Variants in SHANK2 observed in about 807,000 individuals in gnomAD.
The protein encoded by SHANK2 is SH3 and multiple ankyrin repeat domains 2, also known as SH3 and multiple ankyrin repeat domains protein 2.
In SHANK2, 43 loss-of-function variants were observed where a neutral mutation model predicts 133.7. That is an observed-to-expected ratio of 0.32 (90% confidence interval 0.25 to 0.41). The LOEUF is 0.41. Among genes scored for constraint, SHANK2 ranks in the 10% least tolerant of loss-of-function variants. SHANK2 has a pLI of 1.00. For missense variants in SHANK2, 1,994 were observed against 2,235.8 expected (o/e 0.89, Z 2.18); for synonymous variants, 1,017 against 952.8 (o/e 1.07, Z -1.24).
At chr11:70,717,419 C>T (rs1054450934) in intron 14 of SHANK2, among the ~76,000 whole-genome samples, 18 of 152,294 alleles carry the variant, frequency 1.2e-4, no homozygotes, top group Middle Eastern at 3.4e-3. Context: ...TGTTTCCTCC[C>T]GAATGATCTG....
At chr11:70,914,028 T>G (rs1389375139) in intron 10 of SHANK2, among the ~76,000 whole-genome samples, 2 of 152,154 alleles carry the variant, frequency 1.3e-5, no homozygotes, top group African/African-American at 4.8e-5. Context: ...TTTAGCATAT[T>G]TACACTGGGG....
At chr11:71,057,301 C>G (rs1184535396) in intron 9 of SHANK2, among the ~76,000 whole-genome samples, 2 of 152,044 alleles carry the variant, frequency 1.3e-5, no homozygotes, top group Non-Finnish European at 2.9e-5. Flanking sequence ...ACCCACTGCC[C>G]TCCAGCCTGG....
intron 1 of SHANK2, among the ~76,000 whole-genome samples, chr11:71,227,781 G>A (rs1354590018): frequency 1.3e-5 from 2 of 152,030 alleles, no homozygotes; most frequent in East Asian, 3.9e-4. Context: ...AAGTGTTCAT[G>A]AAATTTATAG....
Position 70,698,698 on chromosome 11 carries a change from C to T in SHANK2, c.1843G>A (p.Asp615Asn), listed in dbSNP as rs570962055. ...AGCAGCGCGTCTTACCTGGAAGTGT[C>T]GAAGCTGTCATAGGAGCCCACGGTG... ...HYTVGSYDSFDTSSDCIIEEK... is the reference protein window; with the variant it reads ...HYTVGSYDSFNTSSDCIIEEK... Residue 615 changes from aspartate (D) to asparagine (N), a missense_variant, in exon 15 of 26, where the codon GAC (aspartate) becomes AAC (asparagine). Asp to Asn is a conservative substitution (Grantham distance 23). Around this residue, in one of 5 missense-constraint regions of SHANK2, gnomAD observed 653 missense variants for 563.4 expected, o/e 1.16. Coordinates refer to ENST00000601538, the MANE Select transcript of SHANK2 (RefSeq NM_012309.5). 42 of 718,636 alleles carry T rather than the reference C, an allele frequency of 5.8e-5. No individual in the cohort carries two copies. Among genetic ancestry groups the T allele is most frequent in the South Asian group, 4.1e-4 (28 of 67,600 alleles). The allele number at this position is 718,636 out of a possible 1,614,324, so 44.5% of individuals were successfully genotyped here. A position where few individuals can be genotyped will look rare whatever the true frequency, so the allele number is the denominator to read the frequency against.
At chr11:70,619,155 C>A (rs2060796433) in intron 17 of SHANK2, among the ~76,000 whole-genome samples, 1 of 152,224 alleles carries the variant, frequency 6.6e-6, no homozygotes, top group South Asian at 2.1e-4. Flanking sequence ...GCCTGACAAC[C>A]ACCCTTGGGT....
chr11:70,872,601 GC>G (rs1555070408), intron 11 of SHANK2, among the ~76,000 whole-genome samples: 4 of 151,836 alleles, frequency 2.6e-5, no homozygotes, highest in Non-Finnish European at 5.9e-5. Flanking sequence ...ATACAGAGGG[GC>G]CCCCCACAGA....
At chr11:70,542,486 G>A (rs995140379) in intron 17 of SHANK2, among the ~76,000 whole-genome samples, 5 of 152,158 alleles carry the variant, frequency 3.3e-5, no homozygotes, top group Non-Finnish European at 5.9e-5. Flanking sequence ...TCTGGCCTCC[G>A]AACTGTGAGA....
At chr11:70,490,860 C>T (rs2058877398) in intron 22 of SHANK2, among the ~76,000 whole-genome samples, 1 of 152,220 alleles carries the variant, frequency 6.6e-6, no homozygotes, top group African/African-American at 2.4e-5. Context: ...GGGCTCCTGA[C>T]ACCAGCCCCA....
Position 70,472,466 on chromosome 11 carries a change from C to A in SHANK2, c.*403G>T. 3.7e-6 allele frequency: 1 copy of A among 273,618 alleles called. No homozygotes were observed. The highest frequency in any genetic ancestry group is 4.2e-5 in the South Asian group (1 of 23,634). The allele number at this position is 273,618 out of a possible 1,614,324, so 16.9% of individuals were successfully genotyped here. On this transcript the variant is annotated 3_prime_UTR_variant, in exon 26 of 26. Coordinates refer to ENST00000601538, the MANE Select transcript of SHANK2 (RefSeq NM_012309.5). This position sits in a 1 kb window ranked among gnomAD's most constrained non-coding sequence, Gnocchi z 4.4. Reference sequence around the variant, plus strand: ...CGGGGCCTGGGGTGGTGAGAGCTGCCCGGAAAGCAGAGGACGGAGGTCTCA... The same window carrying A: ...CGGGGCCTGGGGTGGTGAGAGCTGCACGGAAAGCAGAGGACGGAGGTCTCA...
chr11:70,809,120 C>T (rs1289658986), intron 12 of SHANK2, among the ~76,000 whole-genome samples: 1 of 152,226 alleles, frequency 6.6e-6, no homozygotes, highest in Non-Finnish European at 1.5e-5. Context: ...ACAAACGCAT[C>T]TACACGGAGG....
intron 17 of SHANK2, among the ~76,000 whole-genome samples, chr11:70,521,847 T>G (rs2059334691): frequency 3.3e-5 from 5 of 152,234 alleles, no homozygotes; most frequent in Admixed American, 2.0e-4. Flanking sequence ...TCCCTGCACC[T>G]GACTGCAGCC....
chr11:71,176,699 A>G (rs1177655877), intron 2 of SHANK2, among the ~76,000 whole-genome samples: 1 of 152,208 alleles, frequency 6.6e-6, no homozygotes, highest in Non-Finnish European at 1.5e-5. Flanking sequence ...AAATGATAAT[A>G]AAAGAAGAGA....
At chr11:70,750,723 A>G (rs1946735749) in intron 14 of SHANK2, among the ~76,000 whole-genome samples, 1 of 152,188 alleles carries the variant, frequency 6.6e-6, no homozygotes, top group South Asian at 2.1e-4. Context: ...CATATCAATG[A>G]TATTCAGAAA....
intron 14 of SHANK2, among the ~76,000 whole-genome samples, chr11:70,795,445 G>T (rs1370410662): frequency 6.9e-5 from 7 of 101,452 alleles, no homozygotes; most frequent in African/African-American, 2.3e-4. Context: ...TTGCTATGTT[G>T]CCCAGGCTGG....
intron 11 of SHANK2, among the ~76,000 whole-genome samples, chr11:70,892,871 G>A (rs576027711): frequency 1.3e-5 from 2 of 152,282 alleles, no homozygotes; most frequent in Admixed American, 6.5e-5. Context: ...GGTTCCCAGA[G>A]GACCCCAGGG....
intron 17 of SHANK2, among the ~76,000 whole-genome samples, chr11:70,658,258 C>CACACAG (rs2061434730): frequency 8.2e-6 from 1 of 122,086 alleles, no homozygotes; most frequent in Admixed American, 7.9e-5. Flanking sequence ...CACACACACA[C>CACACAG]ACACAGACAC....
At chr11:70,542,214 T>C (rs1485429814) in intron 17 of SHANK2, among the ~76,000 whole-genome samples, 1 of 152,198 alleles carries the variant, frequency 6.6e-6, no homozygotes. Flanking sequence ...ACAGCCTCTT[T>C]GTAGATATAA....
chr11:70,548,059 C>T (rs2059716963), intron 17 of SHANK2, among the ~76,000 whole-genome samples: 3 of 152,232 alleles, frequency 2.0e-5, no homozygotes, highest in Non-Finnish European at 4.4e-5. Context: ...GCAAAGGAGG[C>T]GCTGACATAT....
At position 70,923,658 on chromosome 11, in the gene SHANK2, C is replaced by T. The variant is rs996567699; in HGVS notation, c.1108-27091G>A. 4.6e-5 allele frequency among the ~76,000 whole-genome samples: 7 copies of T among 152,346 alleles called. No homozygotes were observed. In the East Asian group the frequency reaches 1.3e-3, roughly 29 times the overall value. On this transcript the variant is annotated intron_variant, in intron 10 of 25. Coordinates refer to ENST00000601538, the MANE Select transcript of SHANK2 (RefSeq NM_012309.5). ...CCACCTCCCAGGCTCAAGCAATCCT[C>T]CCATCTCAGCCTCTCAAGTAGCTGG...
Sources: gnomAD v4.1 joint callset for allele counts (sites outside exome capture counted in the v4.1 genomes callset) on GRCh38, gnomAD v4.1.1 for gene constraint, gnomAD v4.1.1 regional missense constraint, Gnocchi (gnomAD v3.1) non-coding constraint, MANE v1.5 for transcripts, NCBI Gene and HGNC (gene_info 2026-07-23, HGNC 2026-07-21) for gene names.